PAXBP1: variants seen among roughly 807,000 people sequenced by gnomAD.
PAXBP1 encodes the protein PAX3 and PAX7 binding protein 1, also known as PAX3- and PAX7-binding protein 1.
In PAXBP1, 44 loss-of-function variants were observed where a neutral mutation model predicts 119.9. The observed-to-expected ratio is 0.37, with a 90% CI of 0.29 to 0.47. The LOEUF (loss-of-function observed/expected upper bound fraction) is 0.47. Ranked by LOEUF, PAXBP1 falls within the 20% of genes least tolerant of loss-of-function variation. The pLI, the probability that PAXBP1 is intolerant of heterozygous loss-of-function variation, is 0.99. For synonymous variants in PAXBP1, 393 were observed against 406.6 expected (o/e 0.97, Z 0.40); for missense variants, 898 against 1,134.1 (o/e 0.79, Z 2.99).
rs759496681 is a variant in PAXBP1 at position 32,735,034 on chromosome 21, T to C, written c.2670A>G (p.Ala890=). Residue 890 remains alanine (A), a synonymous_variant, in exon 18 of 18, where the codon GCA becomes GCG. Transcript: ENST00000331923. ...TAGCATGATCCAAAGCTCGAACACTTGCAAGGAGTTTTACTATCTGTTTTA... is the reference window on the plus strand; with the variant it reads ...TAGCATGATCCAAAGCTCGAACACTCGCAAGGAGTTTTACTATCTGTTTTA... ...ENIKQIVKLL[A]SVRALDHAMS... The C allele has an allele frequency of 6.2e-7, 1 of 1,613,666 alleles. No homozygotes were observed. Among genetic ancestry groups the C allele is most frequent in the Non-Finnish European group, 8.5e-7 (1 of 1,179,754 alleles).
At chr21:32,743,383 CA>C in intron 14 of PAXBP1, 69 bp from the exon 15 acceptor site, 1 of 1,075,902 alleles carries the variant, frequency 9.3e-7, no homozygotes, top group East Asian at 2.6e-5. Flanking sequence ...GATTCCTGGA[CA>C]AAAGATTTTT....
chr21:32,755,398 C>T (rs912039971), intron 7 of PAXBP1, 45 bp from the exon 8 acceptor site: 1 of 1,588,550 alleles, frequency 6.3e-7, no homozygotes, highest in South Asian at 1.2e-5. Context: ...TCCTCAGCTG[C>T]TTATTTATTT....
At chr21:32,756,424 GCA>G (rs2044043707) in intron 7 of PAXBP1, 1 of 491,228 alleles carries the variant, frequency 2.0e-6, no homozygotes, top group Admixed American at 2.7e-5. Context: ...TGTAATAAAA[GCA>G]ATTTTATATA....
At position 32,771,501 on chromosome 21, in the gene PAXBP1, C is replaced by A. The variant is rs1601617420; in HGVS notation, c.168G>T (p.Leu56=). 1 of 1,325,000 alleles carries A rather than the reference C, an allele frequency of 7.5e-7. No individual in the cohort carries two copies. Among genetic ancestry groups the A allele is most frequent in the Non-Finnish European group, 9.6e-7 (1 of 1,043,216 alleles). The allele number at this position is 1,325,000 out of a possible 1,614,324, so 82.1% of individuals were successfully genotyped here. Residue 56 remains leucine (L), a synonymous_variant, in exon 1 of 18, where the codon CTG becomes CTT. Coordinates refer to ENST00000331923, the MANE Select transcript of PAXBP1 (RefSeq NM_016631.4). ...GGDRAPGGES[L]LGPGPSPPSA... is the part of the protein sequence containing the mutation. ...AAGGCGGCGACGGCCCCGGGCCCAG[C>A]AGCGACTCCCCGCCAGGGGCCCTGT...
chr21:32,771,420 C>A lies in PAXBP1; in HGVS notation c.249G>T (p.Ala83=), dbSNP rs753509375. Residue 83 remains alanine, a synonymous_variant, in exon 1 of 18, where the codon GCG becomes GCT. Transcript: ENST00000331923. Reference sequence around the variant, plus strand: ...GCGGCTTCAGCCCGTTGCCGGGCTCCGCGCCGCCGGGGAAGCCGCCCCCGG... The same window carrying A: ...GCGGCTTCAGCCCGTTGCCGGGCTCAGCGCCGCCGGGGAAGCCGCCCCCGG... ...AEAGGGFPGG[A]EPGNGLKPRK... is the part of the protein sequence containing the mutation. 26 of 1,539,648 alleles carry A rather than the reference C, an allele frequency of 1.7e-5. No homozygotes were observed. The South Asian group carries it at 2.3e-4, about 14-fold the overall frequency.
rs374691970 is a variant in PAXBP1 at position 32,754,720 on chromosome 21, G to C, written c.1507+510C>G. Among the ~76,000 whole-genome samples, 5 of 152,084 alleles carry C rather than the reference G, an allele frequency of 3.3e-5. No homozygotes were observed. The South Asian group carries it at 8.3e-4, about 25-fold the overall frequency. Reference sequence around the variant, plus strand: ...AACATTTAAAAAGAAATTACAAAAAGTTTGCTTTATCCAAAGGATGAAGCT... The same window carrying C: ...AACATTTAAAAAGAAATTACAAAAACTTTGCTTTATCCAAAGGATGAAGCT... On this transcript the variant is annotated intron_variant, in intron 8 of 17. Coordinates refer to ENST00000331923, the MANE Select transcript of PAXBP1 (RefSeq NM_016631.4).
chr21:32,738,449 CT>C, intron 15 of PAXBP1, 130 bp from the exon 16 acceptor site: 1 of 702,556 alleles, frequency 1.4e-6, no homozygotes, highest in Admixed American at 3.5e-5. Flanking sequence ...AATATTAATA[CT>C]TTCAAAGGTA....
chr21:32,751,096 A>T (rs1018491835), intron 9 of PAXBP1, 23 bp downstream of exon 9: 1 of 1,613,126 alleles, frequency 6.2e-7, no homozygotes, highest in Non-Finnish European at 8.5e-7. Context: ...CAAACAAGCC[A>T]GAGCAAGGGT....
At position 32,759,928 on chromosome 21, in the gene PAXBP1, C is replaced by T. The variant is rs1228749998; in HGVS notation, c.1042G>A (p.Gly348Ser). The T allele has an allele frequency of 1.2e-6, 2 of 1,613,880 alleles. No individual in the cohort carries two copies. Among genetic ancestry groups the T allele is most frequent in the African/African-American group, 1.3e-5 (1 of 74,870 alleles). Residue 348 changes from glycine (G) to serine (S), a missense_variant, in exon 6 of 18, where the codon GGC (glycine) becomes AGC (serine). Physicochemically the swap from Gly to Ser is moderately conservative, Grantham distance 56. This residue lies in a region of PAXBP1 where 599 missense variants were observed against 852.7 expected (regional missense o/e 0.70). Coordinates refer to ENST00000331923, the MANE Select transcript of PAXBP1 (RefSeq NM_016631.4). ...CTATAAGGAATGCCATAGGATGAGC[C>T]GTAAGGCATTGTCTGGTAAGTGTTC... ...YQNTYQTMPY[G>S]SSYGIPYSYT...
rs776981285 is a variant in PAXBP1 at position 32,744,938 on chromosome 21, G to A, written c.2069-25C>T. 2.5e-6 allele frequency: 4 copies of A among 1,592,130 alleles called. No homozygotes were observed. In the South Asian group the frequency reaches 4.7e-5, roughly 19 times the overall value. On this transcript the variant is annotated intron_variant, in intron 12 of 17. Transcript: ENST00000331923. ...ACTATTAAGAAAAAAAGAGGATTGA[G>A]ACACAGAAGCCAATTGTACCTTTAA... is the stretch of plus-strand genomic sequence containing the variant.
Position 32,769,962 on chromosome 21 carries a change from G to T in PAXBP1, c.344-20C>A. On this transcript the variant is annotated intron_variant, in intron 1 of 17. Coordinates refer to ENST00000331923, the MANE Select transcript of PAXBP1 (RefSeq NM_016631.4). ...CATTTTCTTAAAAAGGAAATTAAAT[G>T]AAGTCTGTAGCAACTATTTTCTGAA... is the stretch of plus-strand genomic sequence containing the variant. 1 of 1,483,528 alleles carries T rather than the reference G, an allele frequency of 6.7e-7. No individual in the cohort carries two copies. Among genetic ancestry groups the T allele is most frequent in the Non-Finnish European group, 9.1e-7 (1 of 1,097,706 alleles). 91.9% of individuals were successfully genotyped at this position (1,483,528 alleles called of 1,614,324 possible).
chr21:32,767,252 T>C (rs551336606), intron 2 of PAXBP1, among the ~76,000 whole-genome samples: 18 of 152,338 alleles, frequency 1.2e-4, no homozygotes, highest in South Asian at 4.1e-4. Context: ...CTGCCTACTA[T>C]AGAGGGTTGA....
chr21:32,762,225 G>T lies in PAXBP1; in HGVS notation c.742C>A (p.Pro248Thr). 6.2e-7 allele frequency: 1 copy of T among 1,614,046 alleles called. No homozygotes were observed. Among genetic ancestry groups the T allele is most frequent in the Non-Finnish European group, 8.5e-7 (1 of 1,180,014 alleles). Residue 248 changes from proline to threonine, a missense_variant, in exon 4 of 18, where the codon CCT becomes ACT. This residue lies in a region of PAXBP1 where 599 missense variants were observed against 852.7 expected (regional missense o/e 0.70). Coordinates refer to ENST00000331923, the MANE Select transcript of PAXBP1 (RefSeq NM_016631.4). ...TCTCTAACAAGGCGGCCTTTACCAG[G>T]CTCATTATCATGAGGAGTGAAATCT... is the stretch of plus-strand genomic sequence containing the variant. ...LGDFTPHDNE[P>T]GKGRLVREDE...
At position 32,734,936 on chromosome 21, in the gene PAXBP1, TC is replaced by T; in HGVS notation, c.*13del. The T allele has an allele frequency of 6.3e-7, 1 of 1,589,828 alleles. No individual in the cohort carries two copies. The highest frequency in any genetic ancestry group is 8.6e-7 in the Non-Finnish European group (1 of 1,158,348). ...AATGGTAATCAAGCAAATAGGTTTT[TC>T]AGTCTCATAGATCTATTTTCCTTCG... On this transcript the variant is annotated 3_prime_UTR_variant, in exon 18 of 18. Transcript: ENST00000331923.
At chr21:32,742,910 T>C (rs1397530524) in intron 15 of PAXBP1, 1 of 481,458 alleles carries the variant, frequency 2.1e-6, no homozygotes, top group Non-Finnish European at 4.2e-6. Context: ...CGGTACTATC[T>C]GTGGTTTCAG....
chr21:32,757,512 C>T (rs189178755), intron 7 of PAXBP1, among the ~76,000 whole-genome samples: 1 of 152,280 alleles, frequency 6.6e-6, no homozygotes, highest in Non-Finnish European at 1.5e-5. Context: ...CTGAAGTAAA[C>T]TTCTCTAGGA....
intron 8 of PAXBP1, among the ~76,000 whole-genome samples, chr21:32,754,160 T>G (rs2044006222): frequency 6.6e-6 from 1 of 152,238 alleles, no homozygotes; most frequent in Non-Finnish European, 1.5e-5. Context: ...TATAGGAGGA[T>G]GCTTTTTCAG....
chr21:32,759,020 G>C, intron 7 of PAXBP1, 60 bp downstream of exon 7: 1 of 1,497,754 alleles, frequency 6.7e-7, no homozygotes, highest in Non-Finnish European at 9.2e-7. Flanking sequence ...TCTACACAAG[G>C]CCATCTAGAC....
At chr21:32,739,967 A>AT (rs2043756047) in intron 15 of PAXBP1, among the ~76,000 whole-genome samples, 1 of 148,578 alleles carries the variant, frequency 6.7e-6, no homozygotes, top group Admixed American at 6.7e-5. Flanking sequence ...AAAAAAAAAA[A>AT]GGCAATTTGT....
Sources: gnomAD v4.1 joint callset for allele counts (sites outside exome capture counted in the v4.1 genomes callset) on GRCh38, gnomAD v4.1.1 for gene constraint, gnomAD v4.1.1 regional missense constraint, MANE v1.5 for transcripts, NCBI Gene and HGNC (gene_info 2026-07-23, HGNC 2026-07-21) for gene names.